Variants in POMK observed in about 807,000 individuals in gnomAD.
POMK encodes the protein Sugen kinase 196.
In POMK, 19 loss-of-function variants were observed where a neutral mutation model predicts 23.0. That is an observed-to-expected ratio of 0.83 (90% CI 0.58 to 1.21). The LOEUF (loss-of-function observed/expected upper bound fraction) is 1.21, where lower values mean the gene tolerates loss of function less well. POMK is among the 50% of genes most tolerant of loss of function. The pLI is 0.00. For missense variants in POMK, 410 were observed against 431.3 expected, an observed-to-expected ratio of 0.95 and a Z score of 0.44; for synonymous variants, 173 against 171.6, an observed-to-expected ratio of 1.01 and a Z score of -0.06.
At chr8:43,119,956 C>T (rs1327559194) in intron 4 of POMK, among the ~76,000 whole-genome samples, 2 of 147,566 alleles carry the variant, frequency 1.4e-5, no homozygotes, top group Non-Finnish European at 1.5e-5. Context: ...TTTTAAATTC[C>T]CAATGTTAGT....
intron 4 of POMK, among the ~76,000 whole-genome samples, chr8:43,105,768 A>T (rs1229000910): frequency 6.6e-6 from 1 of 152,150 alleles, no homozygotes; most frequent in African/African-American, 2.4e-5. Flanking sequence ...GGTTCAAGCA[A>T]TTCTCCTGCC....
intron 4 of POMK, among the ~76,000 whole-genome samples, chr8:43,104,133 CT>C (rs1217173500): frequency 2.5e-4 from 37 of 146,684 alleles, no homozygotes; most frequent in East Asian, 5.9e-4. Flanking sequence ...GGCACTTTAT[CT>C]TTTTTTTTTT....
chr8:43,114,411 A>C (rs1300589753), intron 4 of POMK, among the ~76,000 whole-genome samples: 2 of 152,200 alleles, frequency 1.3e-5, no homozygotes, highest in Non-Finnish European at 2.9e-5. Context: ...GGACCCTCCG[A>C]GCCACGTGCG....
chr8:43,120,995 A>G (rs1455376780), intron 4 of POMK, among the ~76,000 whole-genome samples: 1 of 152,194 alleles, frequency 6.6e-6, no homozygotes, highest in Non-Finnish European at 1.5e-5. Context: ...TAGTTTCTAA[A>G]AAATGTTTTG....
intron 4 of POMK, among the ~76,000 whole-genome samples, chr8:43,113,010 G>T (rs879625751): frequency 1.3e-5 from 2 of 152,134 alleles, no homozygotes; most frequent in Admixed American, 1.3e-4. Flanking sequence ...ATCAACTAAC[G>T]AGGAAAATAA....
At chr8:43,113,993 G>A (rs867084056) in intron 4 of POMK, among the ~76,000 whole-genome samples, 25 of 152,306 alleles carry the variant, frequency 1.6e-4, no homozygotes, top group African/African-American at 5.5e-4. Context: ...AGGAGTACCC[G>A]GCCCCGTGAG....
At chr8:43,107,493 G>C (rs1259238425) in intron 4 of POMK, among the ~76,000 whole-genome samples, 1 of 151,690 alleles carries the variant, frequency 6.6e-6, no homozygotes, top group African/African-American at 2.4e-5. Context: ...TCCTGCCTCA[G>C]CCTCCTGAGT....
At position 43,103,677 on chromosome 8, in the gene POMK, C is replaced by T. The variant is rs761324803; in HGVS notation, c.129C>T (p.Ile43=). ...LLYLCLDHFF[I]APRQSTVDPT... ...ACCTCTGCCTCGACCACTTCTTCAT[C>T]GCTCCTCGACAATCCACTGTGGACC... The change falls in exon 4 of 5, where the codon ATC becomes ATT. Residue 43 remains isoleucine (I), a synonymous_variant. Transcript: ENST00000331373. The T allele has an allele frequency of 1.3e-5, 21 of 1,613,912 alleles. No homozygotes were observed. Among genetic ancestry groups the T allele is most frequent in the Middle Eastern group, 1.6e-4 (1 of 6,084 alleles).
intron 4 of POMK, among the ~76,000 whole-genome samples, chr8:43,114,583 C>T (rs949838578): frequency 5.9e-5 from 9 of 152,238 alleles, no homozygotes; most frequent in Middle Eastern, 3.2e-3. Flanking sequence ...ACTGCCTCGC[C>T]GTGCTTCGGC....
At chr8:43,112,023 A>T (rs543370098) in intron 4 of POMK, among the ~76,000 whole-genome samples, 4 of 152,222 alleles carry the variant, frequency 2.6e-5, no homozygotes, top group African/African-American at 4.8e-5. Flanking sequence ...TCCTCCTCCA[A>T]AGGAACGCAG....
intron 2 of POMK, among the ~76,000 whole-genome samples, chr8:43,100,333 G>A (rs1811412705): frequency 1.3e-5 from 2 of 152,106 alleles, no homozygotes; most frequent in African/African-American, 4.8e-5. Flanking sequence ...GGACCCGTGG[G>A]TGTATCACAG....
intron 1 of POMK, among the ~76,000 whole-genome samples, chr8:43,097,006 G>C (rs1294840616): frequency 6.6e-6 from 1 of 152,210 alleles, no homozygotes; most frequent in Non-Finnish European, 1.5e-5. Context: ...GTCAGTCCCA[G>C]CTGCTTGGGA....
intron 2 of POMK, among the ~76,000 whole-genome samples, chr8:43,099,696 T>C (rs532643444): frequency 6.6e-6 from 1 of 152,192 alleles, no homozygotes; most frequent in African/African-American, 2.4e-5. Flanking sequence ...TTGGAGAGAA[T>C]GAGAGGACAG....
chr8:43,116,914 A>T (rs1421280646), intron 4 of POMK, among the ~76,000 whole-genome samples: 1 of 151,912 alleles, frequency 6.6e-6, no homozygotes, highest in East Asian at 1.9e-4. Flanking sequence ...GCCAAGGGAG[A>T]TAGGGGTAGG....
chr8:43,101,417 C>CAAAAA (rs1156411465), intron 2 of POMK, among the ~76,000 whole-genome samples: 1 of 57,540 alleles, frequency 1.7e-5, no homozygotes, highest in African/African-American at 6.1e-5. Flanking sequence ...GACCCTATGT[C>CAAAAA]AAAAAAAAAA....
At chr8:43,119,579 C>T (rs754346625) in intron 4 of POMK, among the ~76,000 whole-genome samples, 11 of 151,634 alleles carry the variant, frequency 7.3e-5, no homozygotes, top group South Asian at 2.1e-4. Context: ...ACTGCAGGCG[C>T]GCGCCACCAC....
Position 43,122,677 on chromosome 8 carries a change from A to G in POMK, c.853A>G (p.Ile285Val), listed in dbSNP as rs1475618490. The G allele has an allele frequency of 6.2e-7, 1 of 1,614,222 alleles. No individual in the cohort carries two copies. Among genetic ancestry groups the G allele is most frequent in the Non-Finnish European group, 8.5e-7 (1 of 1,180,034 alleles). The change falls in exon 5 of 5, where the codon ATC becomes GTC. Residue 285 changes from isoleucine (I) to valine (V), a missense_variant. By Grantham distance (29) the Ile-to-Val change is conservative. Transcript: ENST00000331373. ...TGATGAGAAGATTGACATTTGGAAG[A>G]TCCCAGACATCTCCAGTTTCCTTCT... ...SYDEKIDIWK[I>V]PDISSFLLGH...
At chr8:43,103,898 C>T in intron 4 of POMK, 68 bp downstream of exon 4, 3 of 1,477,950 alleles carry the variant, frequency 2.0e-6, no homozygotes, top group Admixed American at 3.6e-5. Context: ...CCTCCAGCTC[C>T]ATCCATGCTG....
intron 1 of POMK, among the ~76,000 whole-genome samples, chr8:43,096,037 T>C (rs1563334812): frequency 1.3e-5 from 2 of 151,646 alleles, no homozygotes; most frequent in South Asian, 2.1e-4. Flanking sequence ...GCTGAGGCCA[T>C]GAAGAGGGAG....
Sources: allele counts gnomAD v4.1 joint callset (sites outside exome capture counted in the v4.1 genomes callset), GRCh38; gene constraint gnomAD v4.1.1; transcripts MANE v1.5; gene names NCBI Gene and HGNC (gene_info 2026-07-23, HGNC 2026-07-21).